Variants in FHIT observed in about 807,000 individuals in gnomAD.
FHIT encodes the protein bis(5'-adenosyl)-triphosphatase.
A neutral mutation model predicts 17.9 loss-of-function variants in FHIT; 19 were observed. The observed-to-expected ratio is 1.06, with a 90% confidence interval of 0.74 to 1.56. FHIT has a LOEUF of 1.56. Ranked by LOEUF, FHIT falls within the 40% of genes most tolerant of loss-of-function variation. The pLI is 0.00. For missense variants in FHIT, 248 were observed against 189.2 expected (o/e 1.31, Z -1.82); for synonymous variants, 81 against 69.7 (o/e 1.16, Z -0.81).
At chr3:60,367,706 T>G (rs949184766) in intron 5 of FHIT, among the ~76,000 whole-genome samples, 4 of 152,218 alleles carry the variant, frequency 2.6e-5, no homozygotes, top group Admixed American at 2.0e-4. Flanking sequence ...GTATGACCTA[T>G]AGAGGTTTTA....
chr3:61,104,490 G>T (rs1181801009), intron 2 of FHIT, among the ~76,000 whole-genome samples: 1 of 152,106 alleles, frequency 6.6e-6, no homozygotes, highest in African/African-American at 2.4e-5. Flanking sequence ...CTCTCTAGCT[G>T]CCTTTAACAT....
intron 2 of FHIT, among the ~76,000 whole-genome samples, chr3:61,124,216 G>T (rs777808572): frequency 6.6e-6 from 1 of 152,156 alleles, no homozygotes; most frequent in Non-Finnish European, 1.5e-5. Context: ...CATGATTCTT[G>T]CATATGTATC....
At chr3:60,895,253 C>A (rs1705732381) in intron 3 of FHIT, among the ~76,000 whole-genome samples, 1 of 152,182 alleles carries the variant, frequency 6.6e-6, no homozygotes. Context: ...GAAAGGCATA[C>A]TACCTAAGTG....
At chr3:60,390,258 G>A (rs1378287919) in intron 5 of FHIT, among the ~76,000 whole-genome samples, 2 of 151,656 alleles carry the variant, frequency 1.3e-5, no homozygotes, top group African/African-American at 2.4e-5. Flanking sequence ...TTCAAATTTG[G>A]ATTTTTAATA....
intron 4 of FHIT, among the ~76,000 whole-genome samples, chr3:60,778,955 A>G (rs1379550201): frequency 6.6e-6 from 1 of 152,194 alleles, no homozygotes; most frequent in Non-Finnish European, 1.5e-5. Context: ...AAGAGCTCCA[A>G]GTTTATTGTG....
At chr3:61,174,343 T>C (rs377234465) in intron 2 of FHIT, among the ~76,000 whole-genome samples, 1 of 152,334 alleles carries the variant, frequency 6.6e-6, no homozygotes, top group East Asian at 1.9e-4. Flanking sequence ...AAAACAATTA[T>C]ACTGCAATGC....
At chr3:60,141,933 C>T (rs1421080725) in intron 5 of FHIT, among the ~76,000 whole-genome samples, 2 of 152,036 alleles carry the variant, frequency 1.3e-5, no homozygotes, top group East Asian at 3.9e-4. Flanking sequence ...GATTGGAACG[C>T]CAAGTGTCAG....
chr3:59,880,127 T>C (rs1703347438), intron 8 of FHIT, among the ~76,000 whole-genome samples: 1 of 152,142 alleles, frequency 6.6e-6, no homozygotes, highest in South Asian at 2.1e-4. Context: ...ACGACATCCC[T>C]TTAGGTTTTA....
At chr3:60,309,245 C>T (rs909217063) in intron 5 of FHIT, among the ~76,000 whole-genome samples, 1 of 151,850 alleles carries the variant, frequency 6.6e-6, no homozygotes, top group African/African-American at 2.4e-5. Flanking sequence ...GGGGAAAATC[C>T]ACCTCACCAA....
At chr3:60,063,520 G>A (rs929602733) in intron 5 of FHIT, among the ~76,000 whole-genome samples, 1 of 152,136 alleles carries the variant, frequency 6.6e-6, no homozygotes, top group African/African-American at 2.4e-5. Context: ...CAGAGTGACT[G>A]CCAAACAAAA....
At chr3:60,364,389 T>C (rs1219501363) in intron 5 of FHIT, among the ~76,000 whole-genome samples, 1 of 152,244 alleles carries the variant, frequency 6.6e-6, no homozygotes, top group Admixed American at 6.5e-5. Context: ...AATGGGCTTT[T>C]TCTATCATAC....
chr3:60,434,027 C>T (rs992749497), intron 5 of FHIT, among the ~76,000 whole-genome samples: 24 of 152,008 alleles, frequency 1.6e-4, no homozygotes, highest in African/African-American at 4.3e-4. Context: ...CTTCTACAGA[C>T]GTTATAGATT....
intron 3 of FHIT, among the ~76,000 whole-genome samples, chr3:60,972,530 C>A (rs1416699351): frequency 6.7e-6 from 1 of 149,920 alleles, no homozygotes. Flanking sequence ...AGCAGTTTTA[C>A]TACAATATGC....
intron 1 of FHIT, among the ~76,000 whole-genome samples, chr3:61,250,942 G>A (rs1465586915): frequency 6.6e-6 from 1 of 152,154 alleles, no homozygotes; most frequent in Non-Finnish European, 1.5e-5. Context: ...ACGGATTTTC[G>A]CTACTTGTCT....
At chr3:60,999,172 A>G (rs1296502006) in intron 3 of FHIT, among the ~76,000 whole-genome samples, 2 of 152,182 alleles carry the variant, frequency 1.3e-5, no homozygotes, top group Admixed American at 1.3e-4. Context: ...CTAGAGAGCC[A>G]CATGGAGAAT....
chr3:60,301,311 A>T (rs1327817390), intron 5 of FHIT, among the ~76,000 whole-genome samples: 1 of 152,172 alleles, frequency 6.6e-6, no homozygotes, highest in Non-Finnish European at 1.5e-5. Flanking sequence ...GTTTCACCAT[A>T]GCCTTATGTA....
chr3:61,155,678 G>A (rs929675712), intron 2 of FHIT, among the ~76,000 whole-genome samples: 1 of 152,128 alleles, frequency 6.6e-6, no homozygotes, highest in South Asian at 2.1e-4. Context: ...ATTATGCTGT[G>A]CAGAAAAGAG....
intron 5 of FHIT, among the ~76,000 whole-genome samples, chr3:60,341,846 G>C (rs1710531202): frequency 6.6e-6 from 1 of 152,196 alleles, no homozygotes; most frequent in South Asian, 2.1e-4. Flanking sequence ...GCCTGGGTCA[G>C]AACCCTGTAC....
intron 5 of FHIT, among the ~76,000 whole-genome samples, chr3:60,328,138 G>A (rs1426403099): frequency 1.3e-5 from 2 of 150,016 alleles, no homozygotes. Flanking sequence ...CAATCCAACT[G>A]TAAGGGAGCA....
Sources: gnomAD v4.1 joint callset for allele counts (sites outside exome capture counted in the v4.1 genomes callset) on GRCh38, gnomAD v4.1.1 for gene constraint, MANE v1.5 for transcripts, NCBI Gene and HGNC (gene_info 2026-07-23, HGNC 2026-07-21) for gene names.